The following FBXL7 variants were observed in gnomAD, a reference collection of about 807,000 sequenced individuals.
FBXL7 encodes the protein F-box and leucine rich repeat protein 7.
FBXL7 carries 12 observed loss-of-function variants against 38.3 expected under a neutral mutation model. That is an observed-to-expected ratio of 0.31 (90% CI 0.20 to 0.51). The LOEUF (loss-of-function observed/expected upper bound fraction) is 0.51. FBXL7 is among the 20% of genes least tolerant of loss of function. FBXL7 has a pLI of 0.98. For missense variants in FBXL7, 567 were observed against 676.4 expected (o/e 0.84, Z 1.79); for synonymous variants, 297 against 300.9 (o/e 0.99, Z 0.13).
chr5:15,514,145 T>G (rs1198707516), intron 1 of FBXL7, among the ~76,000 whole-genome samples: 2 of 152,224 alleles, frequency 1.3e-5, no homozygotes, highest in Non-Finnish European at 2.9e-5. Context: ...TGGGGTTGCC[T>G]TACTTCCAAT....
At chr5:15,715,036 C>T (rs764543163) in intron 2 of FBXL7, among the ~76,000 whole-genome samples, 9 of 152,200 alleles carry the variant, frequency 5.9e-5, no homozygotes, top group Admixed American at 2.6e-4. Flanking sequence ...CTAGAAGGAA[C>T]GCAGTCCTGC....
intron 2 of FBXL7, among the ~76,000 whole-genome samples, chr5:15,684,132 C>T (rs186477106): frequency 1.3e-5 from 2 of 152,234 alleles, no homozygotes; most frequent in Admixed American, 1.3e-4. Context: ...TCCTTTCATC[C>T]ACCCATTCAC....
chr5:15,599,387 ATATT>A (rs1343345734), intron 1 of FBXL7, among the ~76,000 whole-genome samples: 4 of 152,284 alleles, frequency 2.6e-5, no homozygotes, highest in African/African-American at 9.6e-5. Context: ...ATGCATATAT[ATATT>A]TATGTGTGTG....
At chr5:15,539,741 A>G (rs1331232100) in intron 1 of FBXL7, among the ~76,000 whole-genome samples, 1 of 151,934 alleles carries the variant, frequency 6.6e-6, no homozygotes, top group Admixed American at 6.5e-5. Context: ...TTTCCCCCTA[A>G]TTAAAAGATA....
At chr5:15,751,940 A>G (rs372388362) in intron 2 of FBXL7, among the ~76,000 whole-genome samples, 12 of 152,228 alleles carry the variant, frequency 7.9e-5, no homozygotes, top group East Asian at 3.8e-4. Flanking sequence ...GGGAGACCCA[A>G]TGTCTCTCTG....
intron 2 of FBXL7, among the ~76,000 whole-genome samples, chr5:15,755,009 G>A (rs1736253636): frequency 6.6e-6 from 1 of 152,140 alleles, no homozygotes; most frequent in Admixed American, 6.5e-5. Context: ...AATGCTCTCT[G>A]ATGGGAAAAT....
At chr5:15,709,620 T>TA (rs35394278) in intron 2 of FBXL7, among the ~76,000 whole-genome samples, 84,224 of 151,814 alleles carry the variant, frequency 0.55, 23,489 homozygotes, top group East Asian at 0.68. Flanking sequence ...TGTCTGTGGC[T>TA]ATTACTCTTG....
In FBXL7 at chr5:15,937,019, T is replaced by G. The variant is rs1742214337; in HGVS notation, c.1309T>G (p.Ser437Ala). The change falls in exon 4 of 4, where the codon TCC becomes GCC. Residue 437 changes from serine (S) to alanine (A), a missense_variant. Coordinates refer to ENST00000504595, the MANE Select transcript of FBXL7 (RefSeq NM_012304.5). ...CAACCTCAAGCGGCTCAGCCTCAAGTCCTGCGAGAGCATCACCGGCCAGGG... is the reference window on the plus strand; with the variant it reads ...CAACCTCAAGCGGCTCAGCCTCAAGGCCTGCGAGAGCATCACCGGCCAGGG... ...CFNLKRLSLKSCESITGQGLQ... is the reference protein window; with the variant it reads ...CFNLKRLSLKACESITGQGLQ... 1 of 1,613,990 alleles carries G rather than the reference T, an allele frequency of 6.2e-7. No homozygotes were observed. The highest frequency in any genetic ancestry group is 8.5e-7 in the Non-Finnish European group (1 of 1,179,906).
intron 2 of FBXL7, among the ~76,000 whole-genome samples, chr5:15,707,255 A>G (rs1743717763): frequency 7.4e-6 from 1 of 135,886 alleles, no homozygotes; most frequent in South Asian, 2.3e-4. Context: ...GTTACTCCAT[A>G]GTCAGAACAG....
intron 1 of FBXL7, among the ~76,000 whole-genome samples, chr5:15,596,809 G>T (rs538394329): frequency 6.6e-6 from 1 of 152,316 alleles, no homozygotes; most frequent in East Asian, 1.9e-4. Flanking sequence ...AAAGCTGAAT[G>T]CATGGAACTT....
chr5:15,918,272 C>T (rs559402454), intron 2 of FBXL7, among the ~76,000 whole-genome samples: 100 of 151,942 alleles, frequency 6.6e-4, no homozygotes, highest in Non-Finnish European at 1.2e-3. Flanking sequence ...AGTCCTTCTG[C>T]GATTTAAGGA....
chr5:15,628,825 A>G (rs1740903684), intron 2 of FBXL7, among the ~76,000 whole-genome samples: 1 of 152,114 alleles, frequency 6.6e-6, no homozygotes, highest in Admixed American at 6.6e-5. Context: ...TTCTGTGGAT[A>G]ACTTTTAAGC....
At chr5:15,751,951 G>T (rs1736165646) in intron 2 of FBXL7, among the ~76,000 whole-genome samples, 1 of 152,160 alleles carries the variant, frequency 6.6e-6, no homozygotes, top group African/African-American at 2.4e-5. Flanking sequence ...TGTCTCTCTG[G>T]AAATACCACA....
chr5:15,799,666 CTCTT>C (rs765844522), intron 2 of FBXL7, among the ~76,000 whole-genome samples: 12 of 152,100 alleles, frequency 7.9e-5, no homozygotes, highest in African/African-American at 2.2e-4. Context: ...CCTGCCAAAC[CTCTT>C]TCTAAAAAGG....
intron 2 of FBXL7, among the ~76,000 whole-genome samples, chr5:15,664,469 CTTTTTTT>C (rs34999340): frequency 1.9e-5 from 2 of 105,534 alleles, no homozygotes; most frequent in Non-Finnish European, 3.7e-5. Flanking sequence ...TTTTCTTTTC[CTTTTTTT>C]TTTTTTTTTT....
intron 1 of FBXL7, among the ~76,000 whole-genome samples, chr5:15,556,384 C>T (rs1298520964): frequency 1.3e-5 from 2 of 152,224 alleles, no homozygotes; most frequent in Admixed American, 1.3e-4. Context: ...CAGGCCCTCC[C>T]CCAGTTGGAT....
intron 2 of FBXL7, among the ~76,000 whole-genome samples, chr5:15,722,529 G>T (rs993393332): frequency 1.3e-5 from 2 of 152,140 alleles, no homozygotes; most frequent in African/African-American, 4.8e-5. Context: ...TCTAAGTGTG[G>T]GTTGGAATGA....
intron 2 of FBXL7, among the ~76,000 whole-genome samples, chr5:15,733,370 C>T (rs1280372161): frequency 2.3e-5 from 2 of 87,592 alleles, no homozygotes; most frequent in Non-Finnish European, 5.0e-5. Context: ...GGATTACAGG[C>T]GTGAGCCACC....
chr5:15,885,316 A>AGG (rs1740631490), intron 2 of FBXL7, among the ~76,000 whole-genome samples: 1 of 152,234 alleles, frequency 6.6e-6, no homozygotes, highest in Admixed American at 6.5e-5. Context: ...TGAGAGGGCG[A>AGG]GAGAGAGGAT....
Sources: gnomAD v4.1 joint callset for allele counts (sites outside exome capture counted in the v4.1 genomes callset) on GRCh38, gnomAD v4.1.1 for gene constraint, MANE v1.5 for transcripts, NCBI Gene and HGNC (gene_info 2026-07-23, HGNC 2026-07-21) for gene names.